The following GRID1 variants were observed in gnomAD, a reference collection of about 807,000 sequenced individuals.
The protein encoded by GRID1 is glutamate ionotropic receptor delta type subunit 1.
GRID1 carries 28 observed loss-of-function variants against 98.0 expected under a neutral mutation model. The observed-to-expected ratio is 0.29, with a 90% CI of 0.21 to 0.39. The LOEUF (loss-of-function observed/expected upper bound fraction) is 0.39. GRID1 is among the 10% of genes least tolerant of loss of function. The probability of loss-of-function intolerance (pLI) is 1.00; values close to 1 mark genes in which losing one functional copy is unlikely to be tolerated. For missense variants in GRID1, 1,111 were observed against 1,340.5 expected (o/e 0.83, Z 2.67); for synonymous variants, 553 against 538.5 (o/e 1.03, Z -0.37).
intron 2 of GRID1, among the ~76,000 whole-genome samples, chr10:86,220,771 G>A (rs1426621113): frequency 6.6e-6 from 1 of 152,134 alleles, no homozygotes; most frequent in Non-Finnish European, 1.5e-5. Context: ...ACACCTCATC[G>A]CCGTCCTAAC....
intron 8 of GRID1, among the ~76,000 whole-genome samples, chr10:85,812,310 AC>A (rs199527442): frequency 0.014 from 2,098 of 152,248 alleles, 33 homozygotes; most frequent in Non-Finnish European, 0.02. Flanking sequence ...AAAAAATCAA[AC>A]CTTACTATGA....
chr10:86,232,830 G>A (rs1199961239), intron 2 of GRID1, among the ~76,000 whole-genome samples: 2 of 152,104 alleles, frequency 1.3e-5, no homozygotes, highest in African/African-American at 4.8e-5. Flanking sequence ...CAAGTGCTTT[G>A]CATATGAATG....
At chr10:86,164,693 CA>C (rs1845372693) in intron 3 of GRID1, among the ~76,000 whole-genome samples, 1 of 152,030 alleles carries the variant, frequency 6.6e-6, no homozygotes, top group Non-Finnish European at 1.5e-5. Context: ...GCAATGGGTA[CA>C]GAGAGGTGGG....
At chr10:85,720,250 G>T (rs1841684866) in intron 12 of GRID1, among the ~76,000 whole-genome samples, 1 of 152,096 alleles carries the variant, frequency 6.6e-6, no homozygotes. Flanking sequence ...TAATTTTTCA[G>T]TTAGTCGATT....
intron 3 of GRID1, among the ~76,000 whole-genome samples, chr10:86,190,453 G>A (rs961319395): frequency 1.3e-5 from 2 of 152,204 alleles, no homozygotes; most frequent in Admixed American, 6.5e-5. Flanking sequence ...CTGGTGTCAG[G>A]GAGGGGCTGG....
intron 4 of GRID1, among the ~76,000 whole-genome samples, chr10:85,919,552 G>T (rs1841672183): frequency 6.6e-6 from 1 of 152,170 alleles, no homozygotes; most frequent in African/African-American, 2.4e-5. Context: ...CTGGAGGGCT[G>T]CCAGCTCTGT....
intron 2 of GRID1, among the ~76,000 whole-genome samples, chr10:86,330,920 G>GC (rs1345456575): frequency 1.3e-5 from 2 of 152,216 alleles, no homozygotes; most frequent in Non-Finnish European, 2.9e-5. Flanking sequence ...GGGGACCACA[G>GC]CAAGTTCCCG....
At chr10:86,296,670 C>T (rs1241461452) in intron 2 of GRID1, among the ~76,000 whole-genome samples, 1 of 152,118 alleles carries the variant, frequency 6.6e-6, no homozygotes, top group African/African-American at 2.4e-5. Context: ...ACCCGAGAGA[C>T]AGATGTTGCA....
Position 85,821,595 on chromosome 10 carries a change from T to G in GRID1, c.1233+32901A>C, listed in dbSNP as rs1227210426. On this transcript the variant is annotated intron_variant, in intron 8 of 15. Transcript: ENST00000327946. ...GGGTGGTGTTAGAGGGAGACATGGA[T>G]TGCAAAGAAGTACAGGCAAATTTGA... Among the ~76,000 whole-genome samples, 3 of 149,966 alleles carry G rather than the reference T, an allele frequency of 2.0e-5. No homozygotes were observed. The East Asian group carries it at 5.9e-4, about 29-fold the overall frequency.
In GRID1 at chr10:86,138,993, C is replaced by T. The variant is rs1383587446; in HGVS notation, c.552G>A (p.Gln184=). 6.2e-7 allele frequency: 1 copy of T among 1,613,968 alleles called. No individual in the cohort carries two copies. The highest frequency in any genetic ancestry group is 8.5e-7 in the Non-Finnish European group (1 of 1,179,926). ...DIRGLQSFLD[Q]ASRLGLDVSL... ...AGACGTCAAGGCCCAGCCGCGAGGC[C>T]TGGTCCAGAAAGCTTTGAAGCCCAC... Residue 184 remains glutamine, a synonymous_variant, in exon 4 of 16, where the codon CAG becomes CAA. Coordinates refer to ENST00000327946, the MANE Select transcript of GRID1 (RefSeq NM_017551.3).
chr10:85,685,191 T>C (rs1841254886), intron 12 of GRID1, among the ~76,000 whole-genome samples: 2 of 152,182 alleles, frequency 1.3e-5, no homozygotes, highest in African/African-American at 4.8e-5. Flanking sequence ...GGAGAATTTA[T>C]AGTTAAGTTA....
intron 5 of GRID1, among the ~76,000 whole-genome samples, chr10:85,888,707 C>T (rs892888798): frequency 6.6e-6 from 1 of 152,132 alleles, no homozygotes; most frequent in East Asian, 1.9e-4. Flanking sequence ...CTCCTCATCC[C>T]TTTTTTCTTG....
At chr10:85,622,988 A>C (rs1842874462) in intron 13 of GRID1, among the ~76,000 whole-genome samples, 1 of 152,182 alleles carries the variant, frequency 6.6e-6, no homozygotes. Context: ...AGAACACTTT[A>C]TGGACAGGAC....
chr10:85,940,092 A>AGC (rs1564631595), intron 4 of GRID1, among the ~76,000 whole-genome samples: 40 of 145,508 alleles, frequency 2.7e-4, no homozygotes, highest in African/African-American at 9.3e-4. Context: ...AAAAAAAGAG[A>AGC]GAGAGAGAGA....
intron 2 of GRID1, among the ~76,000 whole-genome samples, chr10:86,249,959 TG>T (rs533146370): frequency 2.0e-5 from 3 of 150,770 alleles, no homozygotes; most frequent in African/African-American, 2.4e-5. Context: ...AGTAGGTGAA[TG>T]GGGGGTGGGT....
At chr10:86,163,009 T>C (rs976994858) in intron 3 of GRID1, among the ~76,000 whole-genome samples, 7 of 152,102 alleles carry the variant, frequency 4.6e-5, no homozygotes, top group Non-Finnish European at 1.0e-4. Flanking sequence ...ACTAAGTAAG[T>C]AGCACATTAG....
Position 86,358,896 on chromosome 10 carries a change from G to T in GRID1, c.235+5045C>A, listed in dbSNP as rs1323438265. Among the ~76,000 whole-genome samples the T allele has an allele frequency of 1.3e-5, 2 of 151,978 alleles. 1 individual carries two copies. The highest frequency in any genetic ancestry group is 4.2e-4 in the South Asian group (2 of 4,812). The stretch of plus-strand genomic sequence containing the variant: ...GTGATGACAGAAGCCAGGTCAGCAT[G>T]AGAGGATGTGAGAAGGCCTTGACCC... On this transcript the variant is annotated intron_variant, in intron 2 of 15. Transcript: ENST00000327946.
intron 15 of GRID1, among the ~76,000 whole-genome samples, chr10:85,610,231 A>G (rs1275586641): frequency 6.6e-6 from 1 of 152,202 alleles, no homozygotes; most frequent in Non-Finnish European, 1.5e-5. Context: ...TACCATCATT[A>G]TTTTTTGAAG....
chr10:86,097,425 C>A (rs991486374), intron 4 of GRID1, among the ~76,000 whole-genome samples: 3 of 152,274 alleles, frequency 2.0e-5, no homozygotes, highest in South Asian at 2.1e-4. Context: ...AAAAGGAACA[C>A]TTTTATCCCC....
Sources: allele counts gnomAD v4.1 joint callset (sites outside exome capture counted in the v4.1 genomes callset), GRCh38; gene constraint gnomAD v4.1.1; transcripts MANE v1.5; gene names NCBI Gene and HGNC (gene_info 2026-07-23, HGNC 2026-07-21).